Variants in CIMIP2C observed in about 807,000 individuals in gnomAD.
CIMIP2C encodes UPF0573 protein C2orf70.
the CIMIP2C span, chr2:26,579,238 G>A: frequency 4.8e-5 from 76 of 1,590,628 alleles, no homozygotes; most frequent in Non-Finnish European, 5.7e-5. Flanking sequence ...GGGTGGGCAC[G>A]CACCACCTTC....
At chr2:26,576,237 G>A in the CIMIP2C span, 1 of 1,553,608 alleles carries the variant, frequency 6.4e-7, no homozygotes, top group African/African-American at 1.4e-5. Context: ...ACCACGGGAA[G>A]GGAGTGATGG....
the CIMIP2C span, among the ~76,000 whole-genome samples, chr2:26,569,266 C>T: frequency 0.7 from 106,940 of 151,848 alleles, 38,428 homozygotes; most frequent in East Asian, 0.89. Flanking sequence ...TGTGGAGTTG[C>T]CAGAAGGATG....
the CIMIP2C span, among the ~76,000 whole-genome samples, chr2:26,565,467 C>T: frequency 6.6e-6 from 1 of 152,108 alleles, no homozygotes; most frequent in Non-Finnish European, 1.5e-5. Flanking sequence ...AGCAAGTTGC[C>T]GAGCCTCGGC....
At chr2:26,576,878 G>A in the CIMIP2C span, among the ~76,000 whole-genome samples, 1 of 152,210 alleles carries the variant, frequency 6.6e-6, no homozygotes, top group African/African-American at 2.4e-5. Flanking sequence ...TTATGCCCTT[G>A]GCAGGGATAA....
chr2:26,577,959 C>T, the CIMIP2C span: 1 of 332,882 alleles, frequency 3.0e-6, no homozygotes, highest in Non-Finnish European at 5.5e-6. Flanking sequence ...TACACTAGTC[C>T]TAACGTGGGC....
the CIMIP2C span, chr2:26,575,782 C>T: frequency 2.3e-6 from 3 of 1,278,424 alleles, no homozygotes; most frequent in Non-Finnish European, 3.2e-6. Context: ...CCTCAGCTTT[C>T]CAACATGCTG....
chr2:26,573,592 A>G, the CIMIP2C span, among the ~76,000 whole-genome samples: 1 of 152,240 alleles, frequency 6.6e-6, no homozygotes, highest in Non-Finnish European at 1.5e-5. Context: ...ACACAGCCTC[A>G]CAGGAGAGAG....
the CIMIP2C span, chr2:26,577,798 CA>C: frequency 1.8e-6 from 1 of 554,946 alleles, no homozygotes; most frequent in Non-Finnish European, 3.1e-6. Flanking sequence ...AGGGCATTGG[CA>C]GCCTCAGGGG....
the CIMIP2C span, among the ~76,000 whole-genome samples, chr2:26,574,953 G>A: frequency 1.7e-4 from 26 of 152,360 alleles, no homozygotes; most frequent in African/African-American, 5.3e-4. Context: ...GCACAGGGCC[G>A]TGCTGCTCGG....
At chr2:26,574,163 T>C in the CIMIP2C span, among the ~76,000 whole-genome samples, 3 of 151,776 alleles carry the variant, frequency 2.0e-5, no homozygotes, top group Non-Finnish European at 4.4e-5. Context: ...AGGACTGGGA[T>C]GTAGAGGAGG....
At chr2:26,577,623 C>A in the CIMIP2C span, 1 of 1,612,732 alleles carries the variant, frequency 6.2e-7, no homozygotes, top group South Asian at 1.1e-5. Context: ...CCCTCCCCAC[C>A]GTCCTGTGAG....
At chr2:26,564,271 C>A in the CIMIP2C span, among the ~76,000 whole-genome samples, 31 of 152,292 alleles carry the variant, frequency 2.0e-4, no homozygotes, top group African/African-American at 7.2e-4. Flanking sequence ...TGTCTGACTC[C>A]TGGACATTTC....
At chr2:26,564,199 G>A in the CIMIP2C span, among the ~76,000 whole-genome samples, 20 of 152,198 alleles carry the variant, frequency 1.3e-4, no homozygotes, top group South Asian at 2.1e-4. Context: ...CATGAGATTT[G>A]ATTTTATACA....
the CIMIP2C span, chr2:26,578,035 G>A: frequency 3.3e-5 from 6 of 181,780 alleles, no homozygotes; most frequent in Admixed American, 6.1e-5. Context: ...ACACCGAGCA[G>A]GAATCTCCCC....
the CIMIP2C span, chr2:26,578,555 G>T: frequency 3.2e-6 from 1 of 310,634 alleles, no homozygotes; most frequent in Admixed American, 4.3e-5. Context: ...GGCCTGGATG[G>T]TTGGAGGCAG....
chr2:26,578,958 C>G, the CIMIP2C span: 1 of 488,462 alleles, frequency 2.0e-6, no homozygotes, highest in African/African-American at 1.9e-5. Context: ...TTGTCCAGAG[C>G]TTCACATGCA....
the CIMIP2C span, among the ~76,000 whole-genome samples, chr2:26,575,111 G>A: frequency 3.9e-3 from 587 of 152,270 alleles, 6 homozygotes; most frequent in African/African-American, 0.013. Context: ...CAAGGCCTCC[G>A]CTCGCCCATC....
the CIMIP2C span, among the ~76,000 whole-genome samples, chr2:26,576,336 T>G: frequency 2.0e-5 from 3 of 152,146 alleles, no homozygotes; most frequent in Admixed American, 1.3e-4. Flanking sequence ...ATGGTGGGCT[T>G]GGCTAAAGGG....
At chr2:26,579,459 G>A in the CIMIP2C span, 56 of 1,608,170 alleles carry the variant, frequency 3.5e-5, no homozygotes, top group Non-Finnish European at 4.4e-5. Flanking sequence ...TCAGAGCAGA[G>A]CCTGATGCCT....
Sources: allele counts gnomAD v4.1 joint callset (sites outside exome capture counted in the v4.1 genomes callset), GRCh38; gene constraint gnomAD v4.1.1; transcripts MANE v1.5; gene names NCBI Gene and HGNC (gene_info 2026-07-23, HGNC 2026-07-21).